Variants in BLK observed in about 807,000 individuals in gnomAD.
BLK encodes BLK proto-oncogene, Src family tyrosine kinase.
Under a neutral mutation model 61.8 loss-of-function variants are expected in BLK, and 64 were observed. That is an observed-to-expected ratio of 1.03 (90% confidence interval 0.85 to 1.27). BLK has a LOEUF of 1.27. Among genes scored for constraint, BLK ranks in the 50% most tolerant of loss-of-function variants. BLK has a pLI of 0.00. For synonymous variants in BLK, 351 were observed against 272.0 expected (o/e 1.29, Z -2.86); for missense variants, 853 against 660.5 (o/e 1.29, Z -3.19).
At chr8:11,503,944 A>G (rs899274629) in intron 1 of BLK, among the ~76,000 whole-genome samples, 11 of 152,034 alleles carry the variant, frequency 7.2e-5, no homozygotes, top group African/African-American at 2.7e-4. Flanking sequence ...ACCCCCAGAG[A>G]GGCTCCTGGC....
chr8:11,527,606 G>A (rs1289945051), intron 1 of BLK, among the ~76,000 whole-genome samples: 1 of 151,968 alleles, frequency 6.6e-6, no homozygotes, highest in Non-Finnish European at 1.5e-5. Context: ...TTGGTGGGCA[G>A]GGTAATAGAT....
intron 1 of BLK, among the ~76,000 whole-genome samples, chr8:11,519,499 A>C (rs968212233): frequency 1.3e-5 from 2 of 152,220 alleles, no homozygotes; most frequent in Non-Finnish European, 2.9e-5. Context: ...AGTGGTATTT[A>C]CTATTAGCTT....
chr8:11,495,330 C>T (rs1483104332), intron 1 of BLK, among the ~76,000 whole-genome samples: 7 of 152,024 alleles, frequency 4.6e-5, no homozygotes, highest in East Asian at 1.9e-4. Flanking sequence ...GAAGAAATTG[C>T]TGTGATATGT....
chr8:11,536,149 G>C (rs763876648), intron 1 of BLK, among the ~76,000 whole-genome samples: 1 of 152,236 alleles, frequency 6.6e-6, no homozygotes, highest in Non-Finnish European at 1.5e-5. Flanking sequence ...AGTTTTGTTA[G>C]ATGTGATGAA....
chr8:11,506,819 T>A (rs151319183), intron 1 of BLK, among the ~76,000 whole-genome samples: 1 of 152,200 alleles, frequency 6.6e-6, no homozygotes, highest in Non-Finnish European at 1.5e-5. Context: ...ATCCTCCCAC[T>A]CTGGGGCCCC....
intron 1 of BLK, among the ~76,000 whole-genome samples, chr8:11,521,546 C>G (rs1160891560): frequency 6.6e-6 from 1 of 152,230 alleles, no homozygotes; most frequent in African/African-American, 2.4e-5. Flanking sequence ...CCACCTTAGC[C>G]TCCCAAAGTG....
At chr8:11,555,627 T>A (rs568937594) in intron 8 of BLK, 143 bp downstream of exon 8, 1 of 1,323,176 alleles carries the variant, frequency 7.6e-7, no homozygotes, top group African/African-American at 1.5e-5. Flanking sequence ...GGACACTCAT[T>A]TTACAGAGGA....
chr8:11,531,914 A>G (rs1245763877), intron 1 of BLK, among the ~76,000 whole-genome samples: 1 of 152,202 alleles, frequency 6.6e-6, no homozygotes, highest in African/African-American at 2.4e-5. Context: ...GCTGGAGTGC[A>G]GTGGCACCAT....
intron 2 of BLK, among the ~76,000 whole-genome samples, chr8:11,544,384 C>T (rs1477740144): frequency 3.3e-5 from 5 of 152,158 alleles, no homozygotes; most frequent in Admixed American, 1.3e-4. Flanking sequence ...GTCCACATGT[C>T]CACGTGGTCA....
chr8:11,529,008 G>T (rs1799785164), intron 1 of BLK, among the ~76,000 whole-genome samples: 1 of 152,128 alleles, frequency 6.6e-6, no homozygotes, highest in South Asian at 2.1e-4. Context: ...CGAATACTTA[G>T]GTGATGGGTT....
chr8:11,501,680 T>C (rs1386222744), intron 1 of BLK, among the ~76,000 whole-genome samples: 1 of 152,250 alleles, frequency 6.6e-6, no homozygotes, highest in African/African-American at 2.4e-5. Context: ...TTGAGTCTCA[T>C]AGAAAGCTCT....
rs1322572057 is a variant in BLK, at chr8:11,555,426, G to T, written c.714G>T (p.Arg238=). The T allele has an allele frequency of 6.2e-7, 1 of 1,614,190 alleles. No homozygotes were observed. The highest frequency in any genetic ancestry group is 1.7e-5 in the Admixed American group (1 of 60,030). Reference sequence around the variant, plus strand: ...CCCAGGATGAATGGGAGATCCCCCGGCAGTCTCTCAGGCTGGTCAGGAAAC... The same window carrying T: ...CCCAGGATGAATGGGAGATCCCCCGTCAGTCTCTCAGGCTGGTCAGGAAAC... ...PWAQDEWEIP[R]QSLRLVRKLG... Residue 238 remains arginine (R), a synonymous_variant, in exon 8 of 13, where the codon CGG becomes CGT. Coordinates refer to ENST00000259089, the MANE Select transcript of BLK (RefSeq NM_001715.3).
intron 11 of BLK, 147 bp downstream of exon 11, chr8:11,561,599 C>A: frequency 1.8e-6 from 2 of 1,118,998 alleles, no homozygotes; most frequent in South Asian, 1.3e-5. Context: ...GCATTTCCTT[C>A]ATTTACCCAA....
chr8:11,518,932 G>A lies in BLK; in HGVS notation c.-1-24292G>A, dbSNP rs10113720. On this transcript the variant is annotated intron_variant, in intron 1 of 12. Coordinates refer to ENST00000259089, the MANE Select transcript of BLK (RefSeq NM_001715.3). ...GCCACTGAAGACTCCAGCATACGTC[G>A]CACTTTCTGGGAGAGGTCTTTCTCT... Among the ~76,000 whole-genome samples, 1,333 of 152,216 alleles carry A rather than the reference G, an allele frequency of 8.8e-3. 7 individuals carry two copies. Among genetic ancestry groups the A allele is most frequent in the Middle Eastern group, 0.044 (13 of 294 alleles).
chr8:11,498,647 G>C (rs1798445038), intron 1 of BLK, among the ~76,000 whole-genome samples: 1 of 152,172 alleles, frequency 6.6e-6, no homozygotes, highest in Non-Finnish European at 1.5e-5. Flanking sequence ...TCCAGTGCAA[G>C]GTTCAGCCCT....
intron 1 of BLK, among the ~76,000 whole-genome samples, chr8:11,504,990 A>G (rs1360342225): frequency 6.6e-6 from 1 of 152,194 alleles, no homozygotes; most frequent in East Asian, 1.9e-4. Flanking sequence ...ACAGACACAT[A>G]GATACAGACA....
intron 1 of BLK, among the ~76,000 whole-genome samples, chr8:11,511,576 G>C (rs1799009697): frequency 1.3e-5 from 2 of 152,142 alleles, no homozygotes; most frequent in South Asian, 4.1e-4. Context: ...TGTATACCTG[G>C]AGCAAAGAAC....
chr8:11,541,610 G>A (rs1295252263), intron 1 of BLK, among the ~76,000 whole-genome samples: 1 of 151,144 alleles, frequency 6.6e-6, no homozygotes, highest in Non-Finnish European at 1.5e-5. Flanking sequence ...TGATTCTTTT[G>A]CCTCAGCCTC....
intron 1 of BLK, among the ~76,000 whole-genome samples, chr8:11,499,130 A>T (rs1455324029): frequency 6.6e-6 from 1 of 152,254 alleles, no homozygotes; most frequent in Non-Finnish European, 1.5e-5. Flanking sequence ...TGGTGGTCTC[A>T]TAAGATGAAG....
Sources: allele counts gnomAD v4.1 joint callset (sites outside exome capture counted in the v4.1 genomes callset), GRCh38; gene constraint gnomAD v4.1.1; transcripts MANE v1.5; gene names NCBI Gene and HGNC (gene_info 2026-07-23, HGNC 2026-07-21).